The following STRN3 variants were observed in gnomAD, a reference collection of about 807,000 sequenced individuals.
STRN3 encodes striatin-3.
Under a neutral mutation model 95.6 loss-of-function variants are expected in STRN3, and 29 were observed. The ratio of observed to expected loss-of-function variants is 0.30; its 90% CI spans 0.23 to 0.41. STRN3 has a LOEUF of 0.41. Among genes scored for constraint, STRN3 ranks in the 10% least tolerant of loss-of-function variants. The pLI is 1.00. For synonymous variants in STRN3, 331 were observed against 357.6 expected (o/e 0.93, Z 0.84); for missense variants, 890 against 972.1 (o/e 0.92, Z 1.12).
At chr14:31,007,507 T>C (rs1229201692) in intron 1 of STRN3, among the ~76,000 whole-genome samples, 3 of 152,204 alleles carry the variant, frequency 2.0e-5, no homozygotes, top group Non-Finnish European at 4.4e-5. Flanking sequence ...TCTTAAGAGT[T>C]ACCTATACTG....
chr14:30,968,901 A>C (rs983664255), intron 1 of STRN3, among the ~76,000 whole-genome samples: 2 of 152,200 alleles, frequency 1.3e-5, no homozygotes, highest in African/African-American at 4.8e-5. Flanking sequence ...TAAAAAGACT[A>C]TAAGGAGGCA....
intron 7 of STRN3, 50 bp from the exon 8 acceptor site, chr14:30,929,361 A>C (rs1229279326): frequency 7.0e-7 from 1 of 1,425,030 alleles, no homozygotes; most frequent in Non-Finnish European, 9.9e-7. Context: ...TTGGCAATGC[A>C]AGCTGTTGGC....
At chr14:30,934,349 A>G (rs948737938) in intron 7 of STRN3, among the ~76,000 whole-genome samples, 3 of 152,140 alleles carry the variant, frequency 2.0e-5, no homozygotes, top group African/African-American at 7.2e-5. Flanking sequence ...AACAATAATA[A>G]TAACAACCTT....
intron 1 of STRN3, among the ~76,000 whole-genome samples, chr14:30,967,738 A>G (rs531168694): frequency 6.6e-6 from 1 of 152,374 alleles, no homozygotes; most frequent in South Asian, 2.1e-4. Context: ...GTAGCTTACT[A>G]ACTCAAAAAT....
Position 30,945,779 on chromosome 14 carries a change from A to T in STRN3, c.716+1311T>A, listed in dbSNP as rs115381929. 4.5e-3 allele frequency among the ~76,000 whole-genome samples: 684 copies of T among 152,344 alleles called. 3 individuals are homozygous for T. Among genetic ancestry groups the T allele is most frequent in the African/African-American group, 0.016 (661 of 41,580 alleles). ...CACTTACAGAAGACTGCTTATATGA[A>T]ATATCCAGAATATACAAATCTACAG... On this transcript the variant is annotated intron_variant, in intron 5 of 17. Transcript: ENST00000357479.
intron 1 of STRN3, among the ~76,000 whole-genome samples, chr14:30,999,110 G>C (rs1882329227): frequency 6.6e-6 from 1 of 152,076 alleles, no homozygotes; most frequent in Non-Finnish European, 1.5e-5. Flanking sequence ...GCCCAGGCTG[G>C]GTGCCACACT....
chr14:31,012,782 G>A (rs1377055304), intron 1 of STRN3, among the ~76,000 whole-genome samples: 1 of 151,504 alleles, frequency 6.6e-6, no homozygotes, highest in Non-Finnish European at 1.5e-5. Flanking sequence ...TAATCCCAGT[G>A]ACTTGGGAGG....
intron 7 of STRN3, 53 bp downstream of exon 7, chr14:30,935,110 C>A (rs1878753702): frequency 3.1e-6 from 5 of 1,589,982 alleles, no homozygotes; most frequent in Admixed American, 1.8e-5. Flanking sequence ...TTAATAATAA[C>A]CCATCATTAA....
At chr14:30,955,837 T>G in intron 2 of STRN3, 144 bp from the exon 3 acceptor site, 1 of 687,564 alleles carries the variant, frequency 1.5e-6, no homozygotes, top group Non-Finnish European at 2.2e-6. Context: ...TATATTGCTG[T>G]AAAAGAAAAA....
At chr14:30,919,662 C>A (rs1594436586) in intron 8 of STRN3, among the ~76,000 whole-genome samples, 1 of 152,162 alleles carries the variant, frequency 6.6e-6, no homozygotes, top group East Asian at 1.9e-4. Flanking sequence ...CAAATCAACC[C>A]CAATTTCTTT....
intron 1 of STRN3, among the ~76,000 whole-genome samples, chr14:30,985,177 G>T (rs758764209): frequency 6.7e-6 from 1 of 150,086 alleles, no homozygotes; most frequent in African/African-American, 2.5e-5. Context: ...AATTACAGCC[G>T]GGTGCCTGTA....
chr14:31,023,216 G>A (rs1883586463), intron 1 of STRN3, among the ~76,000 whole-genome samples: 1 of 152,164 alleles, frequency 6.6e-6, no homozygotes, highest in Non-Finnish European at 1.5e-5. Context: ...GATTGATCTA[G>A]GGCTTGAAGA....
chr14:30,900,747 CAA>C (rs57963139), intron 16 of STRN3, among the ~76,000 whole-genome samples: 221 of 131,976 alleles, frequency 1.7e-3, no homozygotes, highest in East Asian at 2.4e-3. Flanking sequence ...AAGACTGGCT[CAA>C]AAAAAAAAAA....
chr14:31,013,883 T>TATTATTATTATTATTTGAGACAGAGTGTC (rs1883098522), intron 1 of STRN3, among the ~76,000 whole-genome samples: 6 of 110,726 alleles, frequency 5.4e-5, no homozygotes, highest in Admixed American at 2.6e-4. Flanking sequence ...TTATTATTAT[T>TATTATTATTATTATTTGAGACAGAGTGTC]ATTATTATTA....
At chr14:30,987,048 T>C (rs561115862) in intron 1 of STRN3, among the ~76,000 whole-genome samples, 1 of 152,300 alleles carries the variant, frequency 6.6e-6, no homozygotes, top group East Asian at 1.9e-4. Context: ...AGTGTTTGCA[T>C]AAACTTACCC....
At chr14:30,967,303 T>G (rs1594512186) in intron 1 of STRN3, among the ~76,000 whole-genome samples, 40 of 121,130 alleles carry the variant, frequency 3.3e-4, no homozygotes, top group South Asian at 5.7e-4. Context: ...AGAGAGGCGG[T>G]GGTGGGGAAA....
intron 1 of STRN3, among the ~76,000 whole-genome samples, chr14:30,976,456 C>G (rs1332367840): frequency 6.6e-6 from 1 of 152,166 alleles, no homozygotes; most frequent in Non-Finnish European, 1.5e-5. Flanking sequence ...CTACCAGTAA[C>G]TGAGAGATCC....
chr14:31,001,236 A>G (rs191645906), intron 1 of STRN3, among the ~76,000 whole-genome samples: 1 of 152,194 alleles, frequency 6.6e-6, no homozygotes, highest in Non-Finnish European at 1.5e-5. Context: ...TTTGAATTTT[A>G]GAAGAATAAA....
At chr14:30,958,771 C>G (rs934890758) in intron 1 of STRN3, among the ~76,000 whole-genome samples, 1 of 152,248 alleles carries the variant, frequency 6.6e-6, no homozygotes, top group African/African-American at 2.4e-5. Flanking sequence ...TAAGAGGGTT[C>G]TTTTTAAAAA....
Sources: allele counts gnomAD v4.1 joint callset (sites outside exome capture counted in the v4.1 genomes callset), GRCh38; gene constraint gnomAD v4.1.1; transcripts MANE v1.5; gene names NCBI Gene and HGNC (gene_info 2026-07-23, HGNC 2026-07-21).